The following NTM variants were observed in gnomAD, a reference collection of about 807,000 sequenced individuals.
NTM encodes IgLON family member 2.
A neutral mutation model predicts 42.1 loss-of-function variants in NTM; 13 were observed. The ratio of observed to expected loss-of-function variants is 0.31; its 90% CI spans 0.20 to 0.49. The LOEUF is 0.49. NTM is among the 20% of genes least tolerant of loss of function. The probability of loss-of-function intolerance (pLI) is 0.99; values close to 1 mark genes in which losing one functional copy is unlikely to be tolerated. For missense variants in NTM, 373 were observed against 452.8 expected, an observed-to-expected ratio of 0.82 and a Z score of 1.60; for synonymous variants, 187 against 179.2, an observed-to-expected ratio of 1.04 and a Z score of -0.35.
chr11:132,052,139 A>C (rs767224187), intron 2 of NTM, among the ~76,000 whole-genome samples: 8 of 152,206 alleles, frequency 5.3e-5, no homozygotes, highest in Non-Finnish European at 1.0e-4. Flanking sequence ...GAAATATGTG[A>C]CTGGTTTAGA....
chr11:131,933,047 T>A (rs1234086325), intron 2 of NTM, among the ~76,000 whole-genome samples: 1 of 152,242 alleles, frequency 6.6e-6, no homozygotes, highest in Non-Finnish European at 1.5e-5. Flanking sequence ...TCTCAGCTTT[T>A]CCTCCACAGC....
intron 1 of NTM, among the ~76,000 whole-genome samples, chr11:131,830,642 G>A (rs1014237236): frequency 2.0e-5 from 3 of 152,074 alleles, no homozygotes; most frequent in Non-Finnish European, 4.4e-5. Flanking sequence ...GGATTGCTTT[G>A]GCTATTTGGG....
chr11:131,867,547 C>A (rs114746361), intron 1 of NTM, among the ~76,000 whole-genome samples: 3,557 of 150,116 alleles, frequency 0.024, 141 homozygotes, highest in African/African-American at 0.081. Flanking sequence ...TGTGTGTGTG[C>A]GTGTTTGGGT....
At chr11:131,379,099 C>G (rs1313788631) in intron 1 of NTM, among the ~76,000 whole-genome samples, 2 of 152,222 alleles carry the variant, frequency 1.3e-5, no homozygotes, top group African/African-American at 4.8e-5. Context: ...ACACACCCAC[C>G]TGGCTCCCCA....
intron 3 of NTM, among the ~76,000 whole-genome samples, chr11:132,184,306 C>T (rs4937679): frequency 0.054 from 8,198 of 152,266 alleles, 396 homozygotes; most frequent in East Asian, 0.13. Flanking sequence ...TTGATCCAGA[C>T]AGTTACTGGC....
intron 1 of NTM, among the ~76,000 whole-genome samples, chr11:131,811,030 G>T (rs889044556): frequency 1.4e-4 from 22 of 152,290 alleles, no homozygotes; most frequent in East Asian, 3.9e-4. Flanking sequence ...AATCAGAACA[G>T]ATTCAAAGCT....
At chr11:132,247,725 T>C (rs2091383383) in intron 4 of NTM, among the ~76,000 whole-genome samples, 1 of 152,158 alleles carries the variant, frequency 6.6e-6, no homozygotes, top group Non-Finnish European at 1.5e-5. Context: ...GAGACCACCC[T>C]CTGCACATTC....
At chr11:131,936,402 GCCTT>G (rs1164521557) in intron 2 of NTM, among the ~76,000 whole-genome samples, 19 of 152,204 alleles carry the variant, frequency 1.2e-4, no homozygotes, top group African/African-American at 4.3e-4. Flanking sequence ...TTTTTATCAA[GCCTT>G]GGGCATCACT....
chr11:131,588,154 A>G (rs1236971309), intron 1 of NTM, among the ~76,000 whole-genome samples: 1 of 152,276 alleles, frequency 6.6e-6, no homozygotes, highest in Non-Finnish European at 1.5e-5. Flanking sequence ...AGCCACAATT[A>G]GCAAATAAAA....
At chr11:132,013,392 C>G (rs895559733) in intron 2 of NTM, among the ~76,000 whole-genome samples, 10 of 152,024 alleles carry the variant, frequency 6.6e-5, no homozygotes, top group African/African-American at 1.7e-4. Context: ...GGAAAGGAAG[C>G]CTGACTGGAG....
intron 1 of NTM, among the ~76,000 whole-genome samples, chr11:131,595,067 G>A (rs961017282): frequency 5.3e-5 from 8 of 152,140 alleles, no homozygotes; most frequent in South Asian, 4.1e-4. Flanking sequence ...ATGCACCTGC[G>A]TCTTTAATTA....
rs117855224 is a variant in NTM at position 131,985,604 on chromosome 11, C to T, written c.167+73956C>T. ...CAGTTTGTGACTTCCAAGATCACCACGAGTCTTGACATCTTCCTGGGGTAA... is the reference window on the plus strand; with the variant it reads ...CAGTTTGTGACTTCCAAGATCACCATGAGTCTTGACATCTTCCTGGGGTAA... On this transcript the variant is annotated intron_variant, in intron 2 of 8. Transcript: ENST00000683400. Among the ~76,000 whole-genome samples, 16 of 152,212 alleles carry T rather than the reference C, an allele frequency of 1.1e-4. No homozygotes were observed. In the East Asian group the frequency reaches 2.1e-3, roughly 20 times the overall value.
intron 4 of NTM, among the ~76,000 whole-genome samples, chr11:132,262,143 G>C (rs2092899975): frequency 6.6e-6 from 1 of 152,178 alleles, no homozygotes; most frequent in South Asian, 2.1e-4. Flanking sequence ...ATTAGCCAGG[G>C]GGACTCTGAA....
chr11:131,662,593 C>T (rs1481270364), intron 1 of NTM, among the ~76,000 whole-genome samples: 1 of 152,204 alleles, frequency 6.6e-6, no homozygotes, highest in African/African-American at 2.4e-5. Flanking sequence ...TCCTGCAGTC[C>T]CTCTGCCACA....
At chr11:132,331,598 A>G (rs994242175) in intron 8 of NTM, among the ~76,000 whole-genome samples, 2 of 152,228 alleles carry the variant, frequency 1.3e-5, no homozygotes, top group Non-Finnish European at 2.9e-5. Flanking sequence ...TTGGTTGAAT[A>G]CCTGCCACGG....
intron 1 of NTM, among the ~76,000 whole-genome samples, chr11:131,827,072 G>T (rs1410852296): frequency 6.6e-6 from 1 of 152,036 alleles, no homozygotes; most frequent in Non-Finnish European, 1.5e-5. Flanking sequence ...TTTTTAAGTA[G>T]CTACTTTGTA....
rs1235670942 is a variant in NTM at position 132,146,875 on chromosome 11, T to A, written c.400+361T>A. 1 of 266,650 alleles carries A rather than the reference T, an allele frequency of 3.8e-6. No individual in the cohort carries two copies. Among genetic ancestry groups the A allele is most frequent in the Non-Finnish European group, 7.1e-6 (1 of 140,506 alleles). The allele number at this position is 266,650 out of a possible 1,614,324, so 16.5% of individuals were successfully genotyped here. A position where few individuals can be genotyped will look rare whatever the true frequency, so the allele number is the denominator to read the frequency against. On this transcript the variant is annotated intron_variant, in intron 3 of 8. Coordinates refer to ENST00000683400, the MANE Select transcript of NTM (RefSeq NM_001352005.2). The surrounding 1 kb of genome is among the most constrained non-coding windows in gnomAD (Gnocchi z 4.5). ...GATTTCATCCAATTCCAAGACTGTG[T>A]TATGTTTAAAACCAGACTTTTAATG...
At chr11:131,876,995 AT>A (rs1160078393) in intron 1 of NTM, among the ~76,000 whole-genome samples, 2 of 151,980 alleles carry the variant, frequency 1.3e-5, no homozygotes, top group African/African-American at 4.8e-5. Flanking sequence ...AGTAACTGGG[AT>A]TACAGGCATG....
intron 1 of NTM, among the ~76,000 whole-genome samples, chr11:131,897,867 T>C (rs1010466023): frequency 3.3e-5 from 5 of 152,214 alleles, no homozygotes; most frequent in Non-Finnish European, 7.3e-5. Flanking sequence ...ACAGAATTCT[T>C]GGCATTTGTG....
Sources: gnomAD v4.1 joint callset for allele counts (sites outside exome capture counted in the v4.1 genomes callset) on GRCh38, gnomAD v4.1.1 for gene constraint, Gnocchi (gnomAD v3.1) non-coding constraint, MANE v1.5 for transcripts, NCBI Gene and HGNC (gene_info 2026-07-23, HGNC 2026-07-21) for gene names.